LRBA: variants seen among roughly 807,000 people sequenced by gnomAD.
LRBA encodes the protein lipopolysaccharide-responsive and beige-like anchor protein.
A neutral mutation model predicts 330.0 loss-of-function variants in LRBA; 176 were observed. The observed-to-expected ratio is 0.53, with a 90% CI of 0.47 to 0.60. The LOEUF is 0.60. Ranked by LOEUF, LRBA falls within the 20% of genes least tolerant of loss-of-function variation. The probability of loss-of-function intolerance (pLI) is 0.00; values close to 1 mark genes in which losing one functional copy is unlikely to be tolerated. For synonymous variants in LRBA, 1,230 were observed against 1,193.0 expected (o/e 1.03, Z -0.64); for missense variants, 3,259 against 3,444.8 (o/e 0.95, Z 1.35).
At chr4:150,639,912 A>G (rs1203214172) in intron 37 of LRBA, among the ~76,000 whole-genome samples, 2 of 132,248 alleles carry the variant, frequency 1.5e-5, no homozygotes, top group African/African-American at 5.9e-5. Flanking sequence ...GCTGGAGTGT[A>G]ATGGTATGAT....
At chr4:150,985,190 G>A (rs1741303034) in intron 2 of LRBA, among the ~76,000 whole-genome samples, 1 of 151,418 alleles carries the variant, frequency 6.6e-6, no homozygotes, top group African/African-American at 2.4e-5. Context: ...ACCTGGGGGT[G>A]GAGGTTGCAG....
Position 150,277,788 on chromosome 4 carries a change from C to T in LRBA, c.8468+65G>A, listed in dbSNP as rs1580874332. 4.0e-6 allele frequency: 6 copies of T among 1,512,512 alleles called. No homozygotes were observed. In the East Asian group the frequency reaches 1.4e-4, roughly 34 times the overall value. 93.7% of individuals were successfully genotyped at this position (1,512,512 alleles called of 1,614,324 possible). A position where few individuals can be genotyped will look rare whatever the true frequency, so the allele number is the denominator to read the frequency against. On this transcript the variant is annotated intron_variant, in intron 56 of 56. Coordinates refer to ENST00000651943, the MANE Select transcript of LRBA (RefSeq NM_001364905.1). ...AAGTACTGGGATTACAGGTGTAAGCCAACACGACCAGTCCCCTCTGCAGTT... is the reference window on the plus strand; with the variant it reads ...AAGTACTGGGATTACAGGTGTAAGCTAACACGACCAGTCCCCTCTGCAGTT...
chr4:150,518,560 G>A (rs565042352), intron 40 of LRBA, among the ~76,000 whole-genome samples: 17 of 151,546 alleles, frequency 1.1e-4, no homozygotes, highest in Admixed American at 3.3e-4. Flanking sequence ...CTACTTTAAC[G>A]TTTGCAAAAT....
chr4:150,620,731 C>T (rs1329875095), intron 37 of LRBA, among the ~76,000 whole-genome samples: 1 of 152,070 alleles, frequency 6.6e-6, no homozygotes, highest in Non-Finnish European at 1.5e-5. Flanking sequence ...CACATATTCT[C>T]ACTTATAAGT....
chr4:150,884,553 C>CT (rs767217734), intron 17 of LRBA, among the ~76,000 whole-genome samples: 9 of 152,100 alleles, frequency 5.9e-5, no homozygotes, highest in South Asian at 2.1e-4. Flanking sequence ...TGACTGAACT[C>CT]TAAGATATAT....
At chr4:150,718,852 G>A (rs756187706) in intron 36 of LRBA, among the ~76,000 whole-genome samples, 1 of 151,904 alleles carries the variant, frequency 6.6e-6, no homozygotes, top group Non-Finnish European at 1.5e-5. Context: ...CTATTCACAC[G>A]GTCTTTAGAA....
chr4:150,804,604 C>T (rs1259678636), intron 33 of LRBA, among the ~76,000 whole-genome samples: 2 of 152,108 alleles, frequency 1.3e-5, no homozygotes, highest in African/African-American at 4.8e-5. Context: ...ATAACTAAAG[C>T]TGCCAGTTGA....
At chr4:150,371,151 A>G (rs957483147) in intron 47 of LRBA, among the ~76,000 whole-genome samples, 2 of 146,202 alleles carry the variant, frequency 1.4e-5, no homozygotes, top group East Asian at 2.1e-4. Flanking sequence ...TTTTCATAGT[A>G]GGTTGAAAAG....
At chr4:150,346,234 T>A (rs1009923545) in intron 48 of LRBA, among the ~76,000 whole-genome samples, 3 of 152,086 alleles carry the variant, frequency 2.0e-5, no homozygotes, top group African/African-American at 7.2e-5. Flanking sequence ...ACTTAGAATA[T>A]CACAGGCCAT....
intron 2 of LRBA, among the ~76,000 whole-genome samples, chr4:150,941,360 C>G (rs537070094): frequency 1.3e-5 from 2 of 151,936 alleles, no homozygotes; most frequent in Non-Finnish European, 2.9e-5. Flanking sequence ...ACCATTTTGG[C>G]CAGGCTGGTC....
chr4:150,598,582 T>G (rs1417102080), intron 38 of LRBA, among the ~76,000 whole-genome samples: 1 of 152,204 alleles, frequency 6.6e-6, no homozygotes, highest in African/African-American at 2.4e-5. Context: ...TCCCAGTTCA[T>G]GATCTCATGC....
At chr4:150,625,463 C>A (rs1030239409) in intron 37 of LRBA, among the ~76,000 whole-genome samples, 2 of 152,044 alleles carry the variant, frequency 1.3e-5, no homozygotes, top group African/African-American at 4.8e-5. Flanking sequence ...TCCAAGTTAT[C>A]TAAAATTATT....
intron 24 of LRBA, among the ~76,000 whole-genome samples, chr4:150,850,111 T>G (rs984014260): frequency 2.0e-5 from 3 of 151,128 alleles, no homozygotes; most frequent in African/African-American, 7.3e-5. Flanking sequence ...TTTTTTTTTT[T>G]GAGACAGAGT....
At chr4:150,598,495 C>T (rs1433469465) in intron 38 of LRBA, among the ~76,000 whole-genome samples, 1 of 152,046 alleles carries the variant, frequency 6.6e-6, no homozygotes, top group Non-Finnish European at 1.5e-5. Context: ...TCTCTTTTTC[C>T]ATGAGCCATC....
chr4:150,993,549 TTTCA>T (rs1742323834), intron 2 of LRBA, among the ~76,000 whole-genome samples: 1 of 152,140 alleles, frequency 6.6e-6, no homozygotes, highest in Non-Finnish European at 1.5e-5. Context: ...ATTAGTCCAT[TTTCA>T]TGCTATTGAT....
chr4:150,599,291 C>G (rs1310278149), intron 37 of LRBA, among the ~76,000 whole-genome samples, 160 bp from the exon 38 acceptor site: 1 of 152,136 alleles, frequency 6.6e-6, no homozygotes, highest in Admixed American at 6.5e-5. Context: ...CAATCTTTAA[C>G]TTAGGTATGT....
chr4:150,676,115 T>C (rs1029762596), intron 37 of LRBA, among the ~76,000 whole-genome samples: 1 of 152,234 alleles, frequency 6.6e-6, no homozygotes, highest in Non-Finnish European at 1.5e-5. Flanking sequence ...AATTATGATC[T>C]TATTTTTTTT....
intron 42 of LRBA, among the ~76,000 whole-genome samples, chr4:150,479,620 G>A (rs933721664): frequency 2.6e-5 from 4 of 152,180 alleles, no homozygotes; most frequent in African/African-American, 9.7e-5. Context: ...GAGAGGTGGA[G>A]CTTAATTCCC....
At chr4:150,579,415 G>A (rs1770950188) in intron 40 of LRBA, 1 of 443,058 alleles carries the variant, frequency 2.3e-6, no homozygotes, top group African/African-American at 2.0e-5. Flanking sequence ...ATTATTTGCT[G>A]GAAGTGTTTA....
Sources: gnomAD v4.1 joint callset for allele counts (sites outside exome capture counted in the v4.1 genomes callset) on GRCh38, gnomAD v4.1.1 for gene constraint, MANE v1.5 for transcripts, NCBI Gene and HGNC (gene_info 2026-07-23, HGNC 2026-07-21) for gene names.